FHOD3: variants seen among roughly 807,000 people sequenced by gnomAD.
The protein encoded by FHOD3 is formin homology 2 domain containing 3.
Under a neutral mutation model 173.0 loss-of-function variants are expected in FHOD3, and 90 were observed. That is an observed-to-expected ratio of 0.52 (90% CI 0.44 to 0.62). FHOD3 has a LOEUF of 0.62. Ranked by LOEUF, FHOD3 falls within the 20% of genes least tolerant of loss-of-function variation. The pLI is 0.00. For synonymous variants in FHOD3, 828 were observed against 823.0 expected (o/e 1.01, Z -0.10); for missense variants, 1,945 against 2,034.7 (o/e 0.96, Z 0.85).
intron 3 of FHOD3, among the ~76,000 whole-genome samples, chr18:36,422,752 C>T (rs570956573): frequency 2.0e-5 from 3 of 152,282 alleles, no homozygotes; most frequent in South Asian, 2.1e-4. Flanking sequence ...TTTTTGAAAA[C>T]GTTAATTAGC....
chr18:36,444,176 G>C (rs978468574), intron 3 of FHOD3, among the ~76,000 whole-genome samples: 2 of 123,610 alleles, frequency 1.6e-5, no homozygotes, highest in African/African-American at 6.3e-5. Context: ...ATGGGCGACA[G>C]AGTGAGACTC....
intron 3 of FHOD3, among the ~76,000 whole-genome samples, chr18:36,482,351 C>T (rs372480651): frequency 3.9e-5 from 6 of 152,110 alleles, no homozygotes; most frequent in African/African-American, 9.7e-5. Flanking sequence ...TTTGGGTGCA[C>T]GTCTGAGATT....
Position 36,706,491 on chromosome 18 carries a change from C to T in FHOD3, c.2237-2604C>T, listed in dbSNP as rs2149639938. 1.3e-5 allele frequency among the ~76,000 whole-genome samples: 2 copies of T among 152,336 alleles called. 1 individual carries two copies. The highest frequency in any genetic ancestry group is 6.8e-3 in the Middle Eastern group (2 of 294). On this transcript the variant is annotated intron_variant, in intron 17 of 28. Coordinates refer to ENST00000590592, the MANE Select transcript of FHOD3 (RefSeq NM_001281740.3). ...CCTAGTGTATTGGGATGAAATTGTA[C>T]TCCTCCCCCACAAGAGTGTGGCTTT...
chr18:36,355,536 C>T lies in FHOD3; in HGVS notation c.166-3C>T. 1 of 1,613,856 alleles carries T rather than the reference C, an allele frequency of 6.2e-7. No homozygotes were observed. Among genetic ancestry groups the T allele is most frequent in the Non-Finnish European group, 8.5e-7 (1 of 1,179,786 alleles). On this transcript the variant is annotated splice_region_variant and splice_polypyrimidine_tract_variant and intron_variant, in intron 1 of 28. Transcript: ENST00000590592. ...TGGGTATAACAGGCTCTTTCTCTTG[C>T]AGCTGGATGACTGTACTCTGCAGCT...
chr18:36,684,978 A>AT (rs899043133), intron 15 of FHOD3, among the ~76,000 whole-genome samples: 6 of 151,952 alleles, frequency 3.9e-5, no homozygotes, highest in Non-Finnish European at 7.4e-5. Context: ...TAATTTTTGT[A>AT]TTTTTTTGTA....
chr18:36,308,831 T>C (rs2092173004), intron 1 of FHOD3, among the ~76,000 whole-genome samples: 2 of 152,218 alleles, frequency 1.3e-5, no homozygotes, highest in Admixed American at 1.3e-4. Flanking sequence ...TTAATATACA[T>C]GATGATTGCA....
chr18:36,698,488 T>C (rs2039407061), intron 17 of FHOD3, among the ~76,000 whole-genome samples: 1 of 152,120 alleles, frequency 6.6e-6, no homozygotes, highest in Non-Finnish European at 1.5e-5. Context: ...GAGCATTATT[T>C]CTAAGGCAAG....
intron 5 of FHOD3, among the ~76,000 whole-genome samples, chr18:36,518,909 G>A (rs1297208356): frequency 3.9e-5 from 6 of 152,196 alleles, no homozygotes; most frequent in African/African-American, 1.4e-4. Context: ...ATGCTGTTAG[G>A]GATGTGGCCT....
chr18:36,767,438 G>C (rs553548527), intron 27 of FHOD3, among the ~76,000 whole-genome samples: 1 of 152,226 alleles, frequency 6.6e-6, no homozygotes, highest in Admixed American at 6.5e-5. Flanking sequence ...TCCTGCCTCA[G>C]CCTCCTGAGT....
At chr18:36,330,838 A>ATGAG (rs34029107) in intron 1 of FHOD3, among the ~76,000 whole-genome samples, 25,735 of 151,142 alleles carry the variant, frequency 0.17, 2,397 homozygotes, top group Middle Eastern at 0.35. Context: ...TCTTTTTCTG[A>ATGAG]TGAGTGAGTG....
chr18:36,579,899 G>A (rs1272552631), intron 6 of FHOD3, among the ~76,000 whole-genome samples: 1 of 151,936 alleles, frequency 6.6e-6, no homozygotes, highest in African/African-American at 2.4e-5. Context: ...TAGAAAAGAG[G>A]GAGGAGAAGG....
intron 15 of FHOD3, among the ~76,000 whole-genome samples, chr18:36,686,924 C>T (rs1035458255): frequency 7.2e-5 from 11 of 152,162 alleles, no homozygotes; most frequent in Non-Finnish European, 1.3e-4. Context: ...TCTGCAATCC[C>T]TGTGATTGTA....
At chr18:36,528,349 A>G (rs1490004228) in intron 5 of FHOD3, among the ~76,000 whole-genome samples, 3 of 152,154 alleles carry the variant, frequency 2.0e-5, no homozygotes, top group Non-Finnish European at 4.4e-5. Context: ...ATACTGTAAA[A>G]CGGGACCTGA....
intron 9 of FHOD3, among the ~76,000 whole-genome samples, chr18:36,619,466 T>C (rs7228898): frequency 0.17 from 26,006 of 152,258 alleles, 2,590 homozygotes; most frequent in African/African-American, 0.27. Context: ...TACTGGACTC[T>C]TTTCTCTTTC....
At chr18:36,769,984 T>G (rs927287908) in intron 28 of FHOD3, among the ~76,000 whole-genome samples, 1 of 152,194 alleles carries the variant, frequency 6.6e-6, no homozygotes, top group East Asian at 1.9e-4. Context: ...AATAGAGGAT[T>G]CAACTAAATC....
At chr18:36,635,324 G>A (rs1247350547) in intron 10 of FHOD3, among the ~76,000 whole-genome samples, 1 of 152,216 alleles carries the variant, frequency 6.6e-6, no homozygotes. Context: ...ATCTTTCTAG[G>A]TTCTGAAGAA....
intron 6 of FHOD3, among the ~76,000 whole-genome samples, chr18:36,589,581 A>G (rs2059143688): frequency 6.6e-6 from 1 of 152,154 alleles, no homozygotes; most frequent in African/African-American, 2.4e-5. Flanking sequence ...GGCACTCAAG[A>G]CGCTGTTGAA....
Position 36,693,205 on chromosome 18 carries a change from TC to T in FHOD3, c.2022-3del. On this transcript the variant is annotated splice_region_variant and splice_polypyrimidine_tract_variant and intron_variant, in intron 16 of 28. Transcript: ENST00000590592. Reference sequence around the variant, plus strand: ...ACGGAAACCCTTTGGAATTTAACTTTCAGATACAAATACTTGGAACAGTTGG... The same window carrying T: ...ACGGAAACCCTTTGGAATTTAACTTTAGATACAAATACTTGGAACAGTTGG... 1 of 1,611,670 alleles carries T rather than the reference TC, an allele frequency of 6.2e-7. No homozygotes were observed. The highest frequency in any genetic ancestry group is 8.5e-7 in the Non-Finnish European group (1 of 1,179,002).
chr18:36,504,084 C>T (rs2055175196), intron 4 of FHOD3, among the ~76,000 whole-genome samples: 1 of 152,164 alleles, frequency 6.6e-6, no homozygotes, highest in Non-Finnish European at 1.5e-5. Flanking sequence ...CCACGCTTGG[C>T]TAATTTTTAT....
Sources: gnomAD v4.1 joint callset for allele counts (sites outside exome capture counted in the v4.1 genomes callset) on GRCh38, gnomAD v4.1.1 for gene constraint, MANE v1.5 for transcripts, NCBI Gene and HGNC (gene_info 2026-07-23, HGNC 2026-07-21) for gene names.